Variants in NMT1 observed in about 807,000 individuals in gnomAD.
NMT1 encodes glycylpeptide N-tetradecanoyltransferase 1.
A neutral mutation model predicts 63.4 loss-of-function variants in NMT1; 12 were observed. The observed-to-expected ratio is 0.19, with a 90% CI of 0.12 to 0.31. The LOEUF is 0.31. NMT1 is among the 10% of genes least tolerant of loss of function. NMT1 has a pLI of 1.00. For synonymous variants in NMT1, 228 were observed against 234.3 expected (o/e 0.97, Z 0.25); for missense variants, 432 against 634.6 (o/e 0.68, Z 3.43).
intron 6 of NMT1, among the ~76,000 whole-genome samples, chr17:45,097,672 T>A (rs2054134777): frequency 1.3e-5 from 2 of 152,150 alleles, no homozygotes; most frequent in Non-Finnish European, 2.9e-5. Flanking sequence ...CTTTTCTTAG[T>A]CTCACTCTGT....
intron 1 of NMT1, among the ~76,000 whole-genome samples, chr17:45,076,360 G>A (rs994849517): frequency 7.2e-5 from 11 of 151,798 alleles, no homozygotes; most frequent in Admixed American, 2.6e-4. Context: ...CTTCTGTTTG[G>A]GGGTGTTGAC....
chr17:45,103,895 G>T lies in NMT1; in HGVS notation c.1332+19G>T, dbSNP rs73316946. The T allele has an allele frequency of 3.8e-3, 6,111 of 1,612,300 alleles. 185 individuals carry two copies. The African/African-American group carries it at 0.069, about 18-fold the overall frequency. On this transcript the variant is annotated intron_variant, in intron 10 of 11. Transcript: ENST00000258960. The surrounding 1 kb of genome is among the most constrained non-coding windows in gnomAD (Gnocchi z 4.8). ...CAAAATGGTGAGGAGCAGACGGGGG[G>T]GTCTCTGGAGATGTGCAGGGAAGAG...
chr17:45,071,647 T>C (rs2053939918), intron 1 of NMT1: 1 of 152,242 alleles, frequency 6.6e-6, no homozygotes, highest in Non-Finnish European at 1.5e-5. Context: ...TTTTTTCTTA[T>C]GTTGTAAACC....
intron 5 of NMT1, 22 bp downstream of exon 5, chr17:45,096,307 G>C (rs761506798): frequency 1.3e-6 from 2 of 1,589,056 alleles, no homozygotes; most frequent in African/African-American, 1.3e-5. Context: ...GGGCTTTCTT[G>C]AGGTTCTTGA....
chr17:45,071,828 G>C (rs938384062), intron 1 of NMT1, among the ~76,000 whole-genome samples: 2 of 152,104 alleles, frequency 1.3e-5, no homozygotes, highest in Admixed American at 6.6e-5. Context: ...GAGACTCCTG[G>C]GCTCAAGAGA....
chr17:45,073,704 A>G (rs2053957679), intron 1 of NMT1, among the ~76,000 whole-genome samples: 1 of 152,184 alleles, frequency 6.6e-6, no homozygotes, highest in Non-Finnish European at 1.5e-5. Flanking sequence ...ATCAATTCTT[A>G]CAGGGAACGA....
chr17:45,086,192 C>T (rs1490346904), intron 2 of NMT1, among the ~76,000 whole-genome samples: 2 of 143,494 alleles, frequency 1.4e-5, no homozygotes, highest in East Asian at 2.1e-4. Context: ...GGCGCCATCT[C>T]GGTTCACTGC....
intron 3 of NMT1, among the ~76,000 whole-genome samples, chr17:45,088,215 C>T (rs1191432526): frequency 2.0e-5 from 3 of 152,104 alleles, no homozygotes. Flanking sequence ...AGCCCTCCAG[C>T]AAGGCTTTGG....
At chr17:45,084,241 A>G (rs2054036286) in intron 2 of NMT1, among the ~76,000 whole-genome samples, 2 of 152,220 alleles carry the variant, frequency 1.3e-5, no homozygotes, top group Admixed American at 1.3e-4. Flanking sequence ...ATGTGTAATC[A>G]GTAAATAATA....
chr17:45,099,508 C>A lies in NMT1; in HGVS notation c.988C>A (p.Pro330Thr), dbSNP rs1373930583. ...GCGCACCATGAAGCTCTACCGACTG[C>A]CAGAGGCCAGTGCTGCCCCGGGTGG... Reference protein sequence around the residue: ...MQRTMKLYRLPETPKTAGLRP... With the variant: ...MQRTMKLYRLTETPKTAGLRP... The change falls in exon 8 of 12, where the codon CCA becomes ACA. Residue 330 changes from proline to threonine, a missense_variant. Coordinates refer to ENST00000258960, the MANE Select transcript of NMT1 (RefSeq NM_021079.5). 6.2e-7 allele frequency: 1 copy of A among 1,611,280 alleles called. No homozygotes were observed. Among genetic ancestry groups the A allele is most frequent in the Non-Finnish European group, 8.5e-7 (1 of 1,177,416 alleles).
At chr17:45,073,019 A>G (rs2053953514) in intron 1 of NMT1, among the ~76,000 whole-genome samples, 1 of 152,132 alleles carries the variant, frequency 6.6e-6, no homozygotes, top group Non-Finnish European at 1.5e-5. Context: ...TAGCTTTTCA[A>G]GGTCTTATTT....
intron 1 of NMT1, among the ~76,000 whole-genome samples, chr17:45,073,325 A>G (rs1352974811): frequency 6.6e-6 from 1 of 151,986 alleles, no homozygotes; most frequent in Non-Finnish European, 1.5e-5. Context: ...AGGCTGAGGA[A>G]GAGAATCGCT....
chr17:45,087,095 AGGC>A (rs1356981687), intron 3 of NMT1, among the ~76,000 whole-genome samples: 1 of 151,996 alleles, frequency 6.6e-6, no homozygotes, highest in East Asian at 1.9e-4. Context: ...TGGGAGGTCA[AGGC>A]GGCAGTGAGC....
In NMT1 at chr17:45,102,946, T is replaced by C; in HGVS notation, c.994-5T>C. On this transcript the variant is annotated splice_region_variant and splice_polypyrimidine_tract_variant and intron_variant, in intron 8 of 11. Coordinates refer to ENST00000258960, the MANE Select transcript of NMT1 (RefSeq NM_021079.5). Reference sequence around the variant, plus strand: ...CTCACTCCATCTCTTCTGTCTTGCCTCCAGACTCCCAAGACAGCTGGGCTG... The same window carrying C: ...CTCACTCCATCTCTTCTGTCTTGCCCCCAGACTCCCAAGACAGCTGGGCTG... The C allele has an allele frequency of 6.2e-7, 1 of 1,606,338 alleles. No individual in the cohort carries two copies. Among genetic ancestry groups the C allele is most frequent in the South Asian group, 1.1e-5 (1 of 90,708 alleles).
At chr17:45,093,355 C>CA (rs2054101786) in intron 3 of NMT1, among the ~76,000 whole-genome samples, 1 of 152,262 alleles carries the variant, frequency 6.6e-6, no homozygotes, top group Admixed American at 6.5e-5. Flanking sequence ...AGGGCCCTGA[C>CA]AGCACTCTTT....
chr17:45,090,129 T>A (rs2143497878), intron 3 of NMT1, among the ~76,000 whole-genome samples: 1 of 151,996 alleles, frequency 6.6e-6, no homozygotes, highest in South Asian at 2.1e-4. Flanking sequence ...CAAAAAAATT[T>A]AAAAATTAGC....
At chr17:45,092,382 C>G (rs1477310972) in intron 3 of NMT1, among the ~76,000 whole-genome samples, 1 of 126,540 alleles carries the variant, frequency 7.9e-6, no homozygotes, top group African/African-American at 3.3e-5. Context: ...TTCCACCACA[C>G]TTGCCCCACA....
At chr17:45,082,571 A>G (rs894683915) in intron 2 of NMT1, among the ~76,000 whole-genome samples, 2 of 152,242 alleles carry the variant, frequency 1.3e-5, no homozygotes, top group African/African-American at 4.8e-5. Context: ...ATGCACTGGC[A>G]TGAAACCCAG....
chr17:45,101,927 C>T (rs1330564396), intron 8 of NMT1, among the ~76,000 whole-genome samples: 3 of 152,208 alleles, frequency 2.0e-5, no homozygotes, highest in East Asian at 3.9e-4. Flanking sequence ...ATCTGCCTTG[C>T]GTTCTAGGCC....
Sources: allele counts gnomAD v4.1 joint callset (sites outside exome capture counted in the v4.1 genomes callset), GRCh38; gene constraint gnomAD v4.1.1; non-coding constraint Gnocchi (gnomAD v3.1); transcripts MANE v1.5; gene names NCBI Gene and HGNC (gene_info 2026-07-23, HGNC 2026-07-21).